POM121C: variants seen among roughly 807,000 people sequenced by gnomAD.
POM121C encodes nuclear envelope pore membrane protein POM 121C.
A neutral mutation model predicts 66.4 loss-of-function variants in POM121C; 20 were observed. The observed-to-expected ratio is 0.30, with a 90% CI of 0.21 to 0.44. The LOEUF is 0.44. POM121C is among the 20% of genes least tolerant of loss of function. The pLI is 1.00. For synonymous variants in POM121C, 286 were observed against 528.0 expected, an observed-to-expected ratio of 0.54 and a Z score of 6.28; for missense variants, 580 against 1,225.7, an observed-to-expected ratio of 0.47 and a Z score of 7.87.
intron 3 of POM121C, among the ~76,000 whole-genome samples, chr7:75,466,354 C>G (rs1403690547): frequency 1.3e-5 from 2 of 151,584 alleles, no homozygotes; most frequent in Non-Finnish European, 2.9e-5. Flanking sequence ...ACCTCTAGTC[C>G]CAACACTTTG....
rs1475118121 is a variant in POM121C at position 75,441,443 on chromosome 7, T to C, written c.54A>G (p.Ser18=). The C allele has an allele frequency of 9.9e-6, 16 of 1,613,756 alleles. No homozygotes were observed. Among genetic ancestry groups the C allele is most frequent in the South Asian group, 4.4e-5 (4 of 91,066 alleles). Residue 18 remains serine, a synonymous_variant, in exon 4 of 15, where the codon TCA becomes TCG. Transcript: ENST00000615331. ...VRIAPPDRRF[S]RSAIPEQIIS... ...ACGATAATACTCACATCGCAGAACGTGAAAATCTTCTGTCAGGAGGGGCGA... is the reference window on the plus strand; with the variant it reads ...ACGATAATACTCACATCGCAGAACGCGAAAATCTTCTGTCAGGAGGGGCGA...
In POM121C at chr7:75,418,322, A is replaced by G. The variant is rs1789556995; in HGVS notation, c.*474T>C. 2.1e-6 allele frequency: 2 copies of G among 972,790 alleles called. No homozygotes were observed. The highest frequency in any genetic ancestry group is 2.3e-4 in the East Asian group (2 of 8,768). The allele number at this position is 972,790 out of a possible 1,614,324, so 60.3% of individuals were successfully genotyped here. A position where few individuals can be genotyped will look rare whatever the true frequency, so the allele number is the denominator to read the frequency against. On this transcript the variant is annotated 3_prime_UTR_variant, in exon 15 of 15. Coordinates refer to ENST00000615331, the MANE Select transcript of POM121C (RefSeq NM_001099415.3). ...AAACAGAGTCCCCAGAAGGGACCAGAGGAAGAGAACCACTTCTCACAGCTA... is the reference window on the plus strand; with the variant it reads ...AAACAGAGTCCCCAGAAGGGACCAGGGGAAGAGAACCACTTCTCACAGCTA...
At chr7:75,479,493 G>A (rs1156605101) in intron 1 of POM121C, among the ~76,000 whole-genome samples, 1 of 149,152 alleles carries the variant, frequency 6.7e-6, no homozygotes, top group Non-Finnish European at 1.5e-5. Context: ...GTGGGTGTCT[G>A]TAATCCCAGC....
At chr7:75,481,449 C>T (rs1754692125) in intron 1 of POM121C, among the ~76,000 whole-genome samples, 1 of 151,996 alleles carries the variant, frequency 6.6e-6, no homozygotes, top group Non-Finnish European at 1.5e-5. Flanking sequence ...AACAAAATAC[C>T]CTCCTGCTTA....
intron 3 of POM121C, among the ~76,000 whole-genome samples, chr7:75,468,280 G>A (rs1387278802): frequency 3.4e-5 from 5 of 146,132 alleles, no homozygotes; most frequent in Non-Finnish European, 7.5e-5. Context: ...CGTTTCTTAA[G>A]TCCAAATTCT....
chr7:75,464,905 T>C lies in POM121C; in HGVS notation c.-152+9799A>G, dbSNP rs1255268172. Among the ~76,000 whole-genome samples the C allele has an allele frequency of 4.5e-5, 5 of 111,900 alleles. No individual in the cohort carries two copies. In the South Asian group the frequency reaches 1.2e-3, roughly 26 times the overall value. 73.4% of individuals were successfully genotyped at this position (111,900 alleles called of 152,430 possible). On this transcript the variant is annotated intron_variant, in intron 3 of 14. Coordinates refer to ENST00000615331, the MANE Select transcript of POM121C (RefSeq NM_001099415.3). ...AAAGTATAGAAATGGAAATGAAAAA[T>C]TCACCAGACTATTTCGAATTCATTA...
intron 7 of POM121C, among the ~76,000 whole-genome samples, chr7:75,437,225 G>A (rs1468234326): frequency 6.6e-6 from 1 of 152,194 alleles, no homozygotes; most frequent in Non-Finnish European, 1.5e-5. Context: ...TCAATGATCT[G>A]TATTTTCTAT....
At chr7:75,431,099 AAAGAG>A (rs1416809843) in intron 7 of POM121C, among the ~76,000 whole-genome samples, 6 of 147,462 alleles carry the variant, frequency 4.1e-5, no homozygotes. Flanking sequence ...AAAAAAAAAA[AAAGAG>A]CCAAGAAATT....
chr7:75,440,870 T>C, intron 5 of POM121C, 84 bp downstream of exon 5: 1 of 1,609,906 alleles, frequency 6.2e-7, no homozygotes, highest in Non-Finnish European at 8.5e-7. Flanking sequence ...GGACGTGGCC[T>C]CTGTATCTTT....
intron 3 of POM121C, among the ~76,000 whole-genome samples, chr7:75,450,680 T>G (rs1352191498): frequency 6.6e-6 from 1 of 152,174 alleles, no homozygotes; most frequent in Admixed American, 6.5e-5. Context: ...CACATGAAAA[T>G]GATAAATCTT....
chr7:75,477,486 C>G (rs1467804898), intron 1 of POM121C, among the ~76,000 whole-genome samples: 1 of 151,930 alleles, frequency 6.6e-6, no homozygotes, highest in East Asian at 1.9e-4. Flanking sequence ...ACAGAGATAC[C>G]AGTTTCCCTA....
intron 3 of POM121C, among the ~76,000 whole-genome samples, chr7:75,455,275 C>T (rs1395101793): frequency 3.3e-5 from 5 of 152,274 alleles, no homozygotes; most frequent in Admixed American, 6.5e-5. Flanking sequence ...CGGGAAATGC[C>T]TTGACGCACC....
chr7:75,432,766 T>C (rs1790234306), intron 7 of POM121C, among the ~76,000 whole-genome samples: 1 of 152,222 alleles, frequency 6.6e-6, no homozygotes, highest in South Asian at 2.1e-4. Context: ...CCCTGCTATG[T>C]AGAACAGTCA....
At chr7:75,439,904 A>G (rs1459441167) in intron 5 of POM121C, among the ~76,000 whole-genome samples, 1 of 139,868 alleles carries the variant, frequency 7.1e-6, no homozygotes, top group Non-Finnish European at 1.5e-5. Context: ...TTTTTTTGAG[A>G]CAGTCTCGCT....
At position 75,417,613 on chromosome 7, in the gene POM121C, G is replaced by A. The variant is rs11538595; in HGVS notation, c.*1183C>T. 0.096 allele frequency: 94,341 copies of A among 982,260 alleles called. 4,838 individuals carry two copies. The highest frequency in any genetic ancestry group is 0.1 in the Non-Finnish European group (84,603 of 826,742). The allele number at this position is 982,260 out of a possible 1,614,324, so 60.8% of individuals were successfully genotyped here. A position where few individuals can be genotyped will look rare whatever the true frequency, so the allele number is the denominator to read the frequency against. ...GGGAAAAATAGGATTTTAAAAATAT[G>A]GTTCATTAATTTAGGTTTTCTAACA... is the stretch of plus-strand genomic sequence containing the variant. On this transcript the variant is annotated 3_prime_UTR_variant, in exon 15 of 15. Coordinates refer to ENST00000615331, the MANE Select transcript of POM121C (RefSeq NM_001099415.3).
chr7:75,458,399 T>C (rs1271168817), intron 3 of POM121C, among the ~76,000 whole-genome samples: 22 of 152,162 alleles, frequency 1.4e-4, no homozygotes, highest in Non-Finnish European at 2.9e-4. Flanking sequence ...CGTGGTAGTG[T>C]GTACCTCTGG....
Position 75,442,775 on chromosome 7 carries a change from GT to G in POM121C, c.-151-1129del, listed in dbSNP as rs1182533865. On this transcript the variant is annotated intron_variant, in intron 3 of 14. Coordinates refer to ENST00000615331, the MANE Select transcript of POM121C (RefSeq NM_001099415.3). ...TATCCCAGCGTGCACCGCGCCACGC[GT>G]CGCGTCATCGCGCGCCCGCCACGTC... is the stretch of plus-strand genomic sequence containing the variant. 403 of 1,293,178 alleles carry G rather than the reference GT, an allele frequency of 3.1e-4. 1 individual carries two copies. The highest frequency in any genetic ancestry group is 8.1e-4 in the Admixed American group (19 of 23,534). 80.1% of individuals were successfully genotyped at this position (1,293,178 alleles called of 1,614,324 possible).
At chr7:75,442,782 C>T (rs1226382257) in intron 3 of POM121C, 6 of 1,280,118 alleles carry the variant, frequency 4.7e-6, no homozygotes, top group Non-Finnish European at 5.9e-6. Context: ...CGCGTCGCGT[C>T]ATCGCGCGCC....
chr7:75,465,363 T>C (rs1791591102), intron 3 of POM121C, among the ~76,000 whole-genome samples: 1 of 147,548 alleles, frequency 6.8e-6, no homozygotes, highest in Non-Finnish European at 1.5e-5. Context: ...CCCAGCACCT[T>C]GGGAGGCTGA....
Sources: gnomAD v4.1 joint callset for allele counts (sites outside exome capture counted in the v4.1 genomes callset) on GRCh38, gnomAD v4.1.1 for gene constraint, MANE v1.5 for transcripts, NCBI Gene and HGNC (gene_info 2026-07-23, HGNC 2026-07-21) for gene names.